DISC1: variants seen among roughly 807,000 people sequenced by gnomAD.
The protein encoded by DISC1 is DISC1 scaffold protein, also known as disrupted in schizophrenia 1 protein.
A neutral mutation model predicts 84.5 loss-of-function variants in DISC1; 57 were observed. The observed-to-expected ratio is 0.67, with a 90% CI of 0.55 to 0.84. The LOEUF (loss-of-function observed/expected upper bound fraction) is 0.84. Among genes scored for constraint, DISC1 ranks in the 40% least tolerant of loss-of-function variants. DISC1 has a pLI of 0.00. For missense variants in DISC1, 1,000 were observed against 1,057.8 expected (o/e 0.95, Z 0.76); for synonymous variants, 411 against 415.2 (o/e 0.99, Z 0.12).
intron 10 of DISC1, among the ~76,000 whole-genome samples, chr1:231,996,846 T>G (rs1027861846): frequency 1.1e-4 from 17 of 152,214 alleles, no homozygotes; most frequent in African/African-American, 4.1e-4. Context: ...AAATTGTATC[T>G]GCTAGCTGCC....
intron 4 of DISC1, among the ~76,000 whole-genome samples, chr1:231,760,359 C>T (rs565334865): frequency 2.0e-5 from 3 of 152,124 alleles, no homozygotes; most frequent in Non-Finnish European, 4.4e-5. Flanking sequence ...TCTTTATCAC[C>T]ATCTTCCCAA....
intron 10 of DISC1, among the ~76,000 whole-genome samples, chr1:231,978,569 G>A (rs1487625700): frequency 1.3e-5 from 2 of 152,178 alleles, no homozygotes; most frequent in Non-Finnish European, 2.9e-5. Flanking sequence ...AAGTGTTTGT[G>A]TATGAATGTA....
intron 9 of DISC1, among the ~76,000 whole-genome samples, chr1:231,914,758 A>C (rs2089493223): frequency 6.6e-6 from 1 of 152,110 alleles, no homozygotes; most frequent in Admixed American, 6.6e-5. Context: ...AATGGAGAAA[A>C]ACAGCTTGCA....
chr1:231,685,022 C>T (rs2064094841), intron 1 of DISC1: 2 of 152,212 alleles, frequency 1.3e-5, no homozygotes, highest in Non-Finnish European at 2.9e-5. Flanking sequence ...ATAATCATGC[C>T]TGGGAAAACA....
intron 9 of DISC1, among the ~76,000 whole-genome samples, chr1:231,850,755 G>A (rs2083833224): frequency 6.6e-6 from 1 of 152,204 alleles, no homozygotes; most frequent in African/African-American, 2.4e-5. Flanking sequence ...ATGGTAAAGT[G>A]GGGCACTTCT....
At chr1:231,984,706 A>C (rs1261294205) in intron 10 of DISC1, among the ~76,000 whole-genome samples, 1 of 152,180 alleles carries the variant, frequency 6.6e-6, no homozygotes, top group African/African-American at 2.4e-5. Flanking sequence ...TGAAGAGCTA[A>C]AGGAATAATA....
chr1:231,898,667 C>T (rs890554972), intron 9 of DISC1, among the ~76,000 whole-genome samples: 6 of 152,210 alleles, frequency 3.9e-5, no homozygotes, highest in Non-Finnish European at 7.3e-5. Context: ...TGTGGTGGCT[C>T]ATGCCTGTAA....
intron 9 of DISC1, among the ~76,000 whole-genome samples, chr1:231,916,206 T>C (rs530627326): frequency 1.3e-5 from 2 of 152,344 alleles, no homozygotes; most frequent in South Asian, 4.1e-4. Flanking sequence ...CAGAATTTCT[T>C]AGAGGCATTC....
At position 231,817,844 on chromosome 1, in the gene DISC1, A is replaced by G. The variant is rs544681283; in HGVS notation, c.1793-485A>G. ...TCAGGTGTTATTGCAATTATATTTT[A>G]TAAGAAATTTGCCCCAGATGTGCTA... is the stretch of plus-strand genomic sequence containing the variant. On this transcript the variant is annotated intron_variant, in intron 8 of 12. Coordinates refer to ENST00000439617, the MANE Select transcript of DISC1 (RefSeq NM_018662.3). Among the ~76,000 whole-genome samples, 90 of 152,324 alleles carry G rather than the reference A, an allele frequency of 5.9e-4. 1 individual carries two copies. The South Asian group carries it at 0.018, about 31-fold the overall frequency.
In DISC1 at chr1:232,031,550, C is replaced by T. The variant is rs1277524387; in HGVS notation, c.2425+4998C>T. Among the ~76,000 whole-genome samples, 1 of 152,048 alleles carries T rather than the reference C, an allele frequency of 6.6e-6. No individual in the cohort carries two copies. The highest frequency in any genetic ancestry group is 1.5e-5 in the Non-Finnish European group (1 of 68,012). ...GAAAGGAAAGAAAGAAAACCCAGAGCCTAAGATGACAGTATCTAAAGCTTT... is the reference window on the plus strand; with the variant it reads ...GAAAGGAAAGAAAGAAAACCCAGAGTCTAAGATGACAGTATCTAAAGCTTT... On this transcript the variant is annotated intron_variant, in intron 12 of 12. Coordinates refer to ENST00000439617, the MANE Select transcript of DISC1 (RefSeq NM_018662.3). This position sits in a 1 kb window ranked among gnomAD's most constrained non-coding sequence, Gnocchi z 4.6.
chr1:231,975,789 G>A (rs531097774), intron 10 of DISC1, among the ~76,000 whole-genome samples: 14 of 152,270 alleles, frequency 9.2e-5, no homozygotes, highest in African/African-American at 3.1e-4. Flanking sequence ...TCACATGGAC[G>A]TAGAGAGAGG....
chr1:231,655,264 T>G (rs555094651), intron 1 of DISC1, among the ~76,000 whole-genome samples: 1 of 152,294 alleles, frequency 6.6e-6, no homozygotes, highest in African/African-American at 2.4e-5. Context: ...TCCCCTATTC[T>G]GAGTCTCTAA....
Position 231,795,396 on chromosome 1 carries a change from A to G in DISC1, c.1689+100A>G. Reference sequence around the variant, plus strand: ...TTAGGATACCTGGCTTCTGCAAAAAAAGATGTAGACTTTGTCAAGCCATTT... The same window carrying G: ...TTAGGATACCTGGCTTCTGCAAAAAGAGATGTAGACTTTGTCAAGCCATTT... On this transcript the variant is annotated intron_variant, in intron 7 of 12. Transcript: ENST00000439617. 2 of 1,072,952 alleles carry G rather than the reference A, an allele frequency of 1.9e-6. 1 individual carries two copies. Among genetic ancestry groups the G allele is most frequent in the South Asian group, 2.7e-5 (2 of 73,856 alleles). The allele number at this position is 1,072,952 out of a possible 1,614,324, so 66.5% of individuals were successfully genotyped here.
At chr1:231,911,587 C>A (rs1283084743) in intron 9 of DISC1, among the ~76,000 whole-genome samples, 4 of 152,218 alleles carry the variant, frequency 2.6e-5, no homozygotes, top group Admixed American at 2.6e-4. Flanking sequence ...CCTGACCTTT[C>A]TCTCTGGCTG....
At chr1:231,878,440 G>A (rs1347299890) in intron 9 of DISC1, among the ~76,000 whole-genome samples, 3 of 152,258 alleles carry the variant, frequency 2.0e-5, no homozygotes, top group South Asian at 2.1e-4. Context: ...CTGCAAGGCC[G>A]CAGGGGGTTG....
chr1:231,766,000 A>T (rs1176643563), intron 4 of DISC1, among the ~76,000 whole-genome samples: 2 of 152,104 alleles, frequency 1.3e-5, no homozygotes, highest in African/African-American at 4.8e-5. Flanking sequence ...ACATTAAAAA[A>T]GATTAAGGGC....
chr1:231,764,111 G>A (rs991417206), intron 4 of DISC1, among the ~76,000 whole-genome samples: 1 of 152,206 alleles, frequency 6.6e-6, no homozygotes, highest in Admixed American at 6.5e-5. Context: ...TGTGGGAGAT[G>A]CCACGGAAGG....
intron 7 of DISC1, among the ~76,000 whole-genome samples, chr1:231,796,620 G>T (rs752651685): frequency 6.6e-6 from 1 of 152,122 alleles, no homozygotes; most frequent in African/African-American, 2.4e-5. Context: ...TCACAGAGCC[G>T]CAGGTTTGAT....
At chr1:231,841,416 C>T (rs1195325258) in intron 9 of DISC1, among the ~76,000 whole-genome samples, 1 of 152,244 alleles carries the variant, frequency 6.6e-6, no homozygotes, top group African/African-American at 2.4e-5. Flanking sequence ...CGAGTCACCC[C>T]TCAAGGAGTC....
Sources: allele counts gnomAD v4.1 joint callset (sites outside exome capture counted in the v4.1 genomes callset), GRCh38; gene constraint gnomAD v4.1.1; non-coding constraint Gnocchi (gnomAD v3.1); transcripts MANE v1.5; gene names NCBI Gene and HGNC (gene_info 2026-07-23, HGNC 2026-07-21).